Variants in TMEM132D observed in about 807,000 individuals in gnomAD.
The protein encoded by TMEM132D is mature OL transmembrane protein.
A neutral mutation model predicts 62.3 loss-of-function variants in TMEM132D; 21 were observed. The observed-to-expected ratio is 0.34, with a 90% CI of 0.24 to 0.49. TMEM132D has a LOEUF of 0.49. TMEM132D is among the 20% of genes least tolerant of loss of function. The pLI, the probability that TMEM132D is intolerant of heterozygous loss-of-function variation, is 0.99. For missense variants in TMEM132D, 1,346 were observed against 1,402.8 expected, an observed-to-expected ratio of 0.96 and a Z score of 0.65; for synonymous variants, 621 against 575.6, an observed-to-expected ratio of 1.08 and a Z score of -1.13.
At chr12:129,331,567 C>T (rs759017024) in intron 4 of TMEM132D, among the ~76,000 whole-genome samples, 40 of 152,344 alleles carry the variant, frequency 2.6e-4, no homozygotes, top group South Asian at 2.1e-4. Flanking sequence ...TAAAATCCCA[C>T]AGGAGAGCAG....
At chr12:129,537,970 G>A (rs778738770) in intron 2 of TMEM132D, among the ~76,000 whole-genome samples, 1 of 152,244 alleles carries the variant, frequency 6.6e-6, no homozygotes. Flanking sequence ...CCTCATCGAC[G>A]CGGCACACAG....
At chr12:129,481,352 A>C (rs1468833771) in intron 3 of TMEM132D, among the ~76,000 whole-genome samples, 1 of 151,348 alleles carries the variant, frequency 6.6e-6, no homozygotes, top group Non-Finnish European at 1.5e-5. Flanking sequence ...AGCCCCAGCT[A>C]CTCGGGAGGC....
At chr12:129,529,434 C>T (rs1364750201) in intron 3 of TMEM132D, among the ~76,000 whole-genome samples, 1 of 152,248 alleles carries the variant, frequency 6.6e-6, no homozygotes, top group Non-Finnish European at 1.5e-5. Flanking sequence ...GAAGGAGCCA[C>T]CATTGGGCCC....
chr12:129,411,337 T>C (rs535985697), intron 3 of TMEM132D, among the ~76,000 whole-genome samples: 1 of 152,242 alleles, frequency 6.6e-6, no homozygotes, highest in Admixed American at 6.5e-5. Context: ...TCTGCTTTAG[T>C]TAGTTATCGG....
At chr12:129,707,940 G>C (rs1357375291) in intron 1 of TMEM132D, among the ~76,000 whole-genome samples, 1 of 152,190 alleles carries the variant, frequency 6.6e-6, no homozygotes, top group African/African-American at 2.4e-5. Flanking sequence ...AACAGGGCCA[G>C]GCGCGGTGGT....
intron 2 of TMEM132D, among the ~76,000 whole-genome samples, chr12:129,623,069 G>C (rs917091787): frequency 3.3e-5 from 5 of 152,110 alleles, no homozygotes; most frequent in African/African-American, 7.2e-5. Context: ...AGAGAGAGAT[G>C]GAGAGAAAGA....
intron 1 of TMEM132D, among the ~76,000 whole-genome samples, chr12:129,777,506 T>G (rs983796762): frequency 6.6e-6 from 1 of 152,136 alleles, no homozygotes; most frequent in African/African-American, 2.4e-5. Flanking sequence ...TCATCCTGGC[T>G]CCTAGCGTCC....
intron 1 of TMEM132D, among the ~76,000 whole-genome samples, chr12:129,786,066 G>A (rs909209290): frequency 6.6e-6 from 1 of 152,132 alleles, no homozygotes; most frequent in Non-Finnish European, 1.5e-5. Context: ...CAAATGCATG[G>A]TGCCAGGCCC....
intron 2 of TMEM132D, among the ~76,000 whole-genome samples, chr12:129,629,573 T>C (rs752782137): frequency 3.3e-5 from 5 of 152,164 alleles, no homozygotes; most frequent in Admixed American, 6.6e-5. Context: ...CATTCTTCCA[T>C]AGAGTTACCG....
At chr12:129,694,483 A>G (rs776641135) in intron 2 of TMEM132D, among the ~76,000 whole-genome samples, 2 of 152,230 alleles carry the variant, frequency 1.3e-5, no homozygotes, top group East Asian at 1.9e-4. Flanking sequence ...GTCCTTGTGG[A>G]TGAACTGCAA....
chr12:129,150,544 CAGAAG>C (rs1006592394), intron 5 of TMEM132D, among the ~76,000 whole-genome samples: 6 of 152,320 alleles, frequency 3.9e-5, no homozygotes, highest in African/African-American at 1.4e-4. Flanking sequence ...CCCCATTTCA[CAGAAG>C]AGGAGACTGA....
chr12:129,477,971 T>G (rs904641169), intron 3 of TMEM132D, among the ~76,000 whole-genome samples: 6 of 151,872 alleles, frequency 4.0e-5, no homozygotes, highest in Non-Finnish European at 7.4e-5. Flanking sequence ...CATCATAGAG[T>G]GGACTTACAC....
At chr12:129,312,912 T>C in intron 4 of TMEM132D, among the ~76,000 whole-genome samples, 1 of 152,208 alleles carries the variant, frequency 6.6e-6, no homozygotes, top group East Asian at 1.9e-4. Context: ...ATTTGAGGTA[T>C]ATTGTAAAGG....
chr12:129,491,648 T>C (rs760306621), intron 3 of TMEM132D, among the ~76,000 whole-genome samples: 12 of 152,170 alleles, frequency 7.9e-5, no homozygotes, highest in Non-Finnish European at 1.5e-4. Flanking sequence ...TTTTTAAATC[T>C]TTGCTTATTG....
intron 5 of TMEM132D, among the ~76,000 whole-genome samples, chr12:129,175,942 C>G (rs558741442): frequency 1.6e-3 from 242 of 152,300 alleles, no homozygotes; most frequent in African/African-American, 5.4e-3. Context: ...CCACATTACC[C>G]TTGCATACTT....
intron 1 of TMEM132D, among the ~76,000 whole-genome samples, chr12:129,822,089 C>T (rs945019329): frequency 6.6e-6 from 1 of 152,102 alleles, no homozygotes; most frequent in African/African-American, 2.4e-5. Context: ...ATCTGAGACA[C>T]ACGCTGGAGG....
intron 2 of TMEM132D, among the ~76,000 whole-genome samples, chr12:129,578,447 T>C (rs1350489157): frequency 6.6e-6 from 1 of 151,150 alleles, no homozygotes; most frequent in Non-Finnish European, 1.5e-5. Flanking sequence ...TGTATGTATA[T>C]ATATATGACT....
intron 2 of TMEM132D, among the ~76,000 whole-genome samples, chr12:129,583,153 A>G (rs989906684): frequency 3.9e-5 from 6 of 152,336 alleles, no homozygotes; most frequent in African/African-American, 1.4e-4. Context: ...GAATAATTTA[A>G]AAGAGGTTTT....
In TMEM132D at chr12:129,331,312, G is replaced by A. The variant is rs1869097842; in HGVS notation, c.1299+6322C>T. On this transcript the variant is annotated intron_variant, in intron 4 of 8. Transcript: ENST00000422113. ...AGGGCTGGGTTTGGCAGATGCGTCT[G>A]TATGTATCCTTATGCCATTGTGAAC... is the stretch of plus-strand genomic sequence containing the variant. Among the ~76,000 whole-genome samples the A allele has an allele frequency of 4.6e-5, 7 of 152,300 alleles. No individual in the cohort carries two copies. In the South Asian group the frequency reaches 1.5e-3, roughly 32 times the overall value.
Sources: allele counts gnomAD v4.1 joint callset (sites outside exome capture counted in the v4.1 genomes callset), GRCh38; gene constraint gnomAD v4.1.1; transcripts MANE v1.5; gene names NCBI Gene and HGNC (gene_info 2026-07-23, HGNC 2026-07-21).